SNTG2: variants seen among roughly 807,000 people sequenced by gnomAD.
The protein encoded by SNTG2 is syntrophin gamma 2, also known as gamma-2-syntrophin.
Under a neutral mutation model 70.9 loss-of-function variants are expected in SNTG2, and 74 were observed. That is an observed-to-expected ratio of 1.04 (90% CI 0.86 to 1.27). The LOEUF (loss-of-function observed/expected upper bound fraction) is 1.27. Among genes scored for constraint, SNTG2 ranks in the 50% most tolerant of loss-of-function variants. The pLI is 0.00. For missense variants in SNTG2, 717 were observed against 690.7 expected (o/e 1.04, Z -0.43); for synonymous variants, 278 against 273.8 (o/e 1.02, Z -0.15).
chr2:1,007,183 TC>T (rs1659598188), intron 1 of SNTG2, among the ~76,000 whole-genome samples: 2 of 151,824 alleles, frequency 1.3e-5, no homozygotes, highest in Admixed American at 1.3e-4. Flanking sequence ...CTGGAATCCA[TC>T]CCCCACAGAT....
At chr2:1,239,127 T>C (rs1484953082) in intron 10 of SNTG2, among the ~76,000 whole-genome samples, 1 of 124,406 alleles carries the variant, frequency 8.0e-6, no homozygotes, top group Non-Finnish European at 1.9e-5. Context: ...TTGACTTATA[T>C]TTGCAGAAAT....
chr2:999,808 C>T (rs941730197), intron 1 of SNTG2, among the ~76,000 whole-genome samples: 2 of 151,952 alleles, frequency 1.3e-5, no homozygotes, highest in Non-Finnish European at 2.9e-5. Context: ...TTCTACTCAA[C>T]AACTGCAGAT....
chr2:1,246,033 T>C (rs1313126349), intron 11 of SNTG2, among the ~76,000 whole-genome samples: 1 of 152,210 alleles, frequency 6.6e-6, no homozygotes, highest in Non-Finnish European at 1.5e-5. Flanking sequence ...ATGTGGTTCC[T>C]GAGCCTCCAT....
intron 8 of SNTG2, among the ~76,000 whole-genome samples, chr2:1,178,759 A>C (rs1671653772): frequency 6.6e-6 from 1 of 152,044 alleles, no homozygotes; most frequent in African/African-American, 2.4e-5. Context: ...TTGGTCTAAA[A>C]TTCTCTTTTT....
Position 1,137,934 on chromosome 2 carries a change from A to G in SNTG2, c.411+125A>G, listed in dbSNP as rs1668503798. The G allele has an allele frequency of 5.2e-6, 5 of 966,112 alleles. No homozygotes were observed. In the South Asian group the frequency reaches 7.4e-5, roughly 14 times the overall value. 59.8% of individuals were successfully genotyped at this position (966,112 alleles called of 1,614,324 possible). The stretch of plus-strand genomic sequence containing the variant: ...GTGTTAGAATTGGAAAGAAAGCTCA[A>G]AGGTTTAGTAAATCATGTTACAAAA... On this transcript the variant is annotated intron_variant, in intron 6 of 16. Transcript: ENST00000308624.
chr2:1,244,800 G>C (rs535458127), intron 11 of SNTG2, among the ~76,000 whole-genome samples: 8 of 150,878 alleles, frequency 5.3e-5, no homozygotes, highest in Middle Eastern at 3.4e-3. Flanking sequence ...ATCAGTAAAA[G>C]AAAGGTCTTC....
At chr2:1,189,344 G>T in intron 8 of SNTG2, among the ~76,000 whole-genome samples, 4 of 151,886 alleles carry the variant, frequency 2.6e-5, no homozygotes, top group Middle Eastern at 6.8e-3. Context: ...AATATATATC[G>T]TATGAGGATA....
At chr2:960,293 G>A (rs1194615437) in intron 1 of SNTG2, among the ~76,000 whole-genome samples, 1 of 152,240 alleles carries the variant, frequency 6.6e-6, no homozygotes, top group Non-Finnish European at 1.5e-5. Context: ...GGATCCCACA[G>A]TGGGGAATGC....
intron 1 of SNTG2, among the ~76,000 whole-genome samples, chr2:951,987 C>T (rs1659986133): frequency 6.6e-6 from 1 of 152,190 alleles, no homozygotes; most frequent in African/African-American, 2.4e-5. Flanking sequence ...CTACAAATTC[C>T]TATCGTCATA....
At chr2:1,198,001 G>A (rs1673035786) in intron 8 of SNTG2, among the ~76,000 whole-genome samples, 1 of 152,072 alleles carries the variant, frequency 6.6e-6, no homozygotes, top group Non-Finnish European at 1.5e-5. Flanking sequence ...TAGACTAAAT[G>A]GATCTAACAG....
At chr2:995,095 A>G (rs1003850142) in intron 1 of SNTG2, among the ~76,000 whole-genome samples, 1 of 151,940 alleles carries the variant, frequency 6.6e-6, no homozygotes, top group Admixed American at 6.6e-5. Context: ...CACACCCAGT[A>G]AAATGTTAAA....
chr2:1,099,681 T>TGGTCAGGTCATCTGAAGGTGGG (rs1385707561), intron 4 of SNTG2, among the ~76,000 whole-genome samples: 79 of 65,324 alleles, frequency 1.2e-3, no homozygotes, highest in African/African-American at 4.0e-3. Flanking sequence ...GTGAGGGCAG[T>TGGTCAGGTCATCTGAAGGTGGG]TGTGGTGAGG....
chr2:990,814 G>T (rs1661465234), intron 1 of SNTG2, among the ~76,000 whole-genome samples: 1 of 151,306 alleles, frequency 6.6e-6, no homozygotes, highest in Non-Finnish European at 1.5e-5. Flanking sequence ...TCCTAATTCT[G>T]GAAATGCCGT....
chr2:1,176,154 T>C (rs1189412911), intron 8 of SNTG2, among the ~76,000 whole-genome samples: 2 of 152,214 alleles, frequency 1.3e-5, no homozygotes, highest in Non-Finnish European at 2.9e-5. Flanking sequence ...TTCTTTGTAG[T>C]TATTCATATG....
chr2:1,242,507 G>A (rs2148118522), intron 11 of SNTG2, among the ~76,000 whole-genome samples: 1 of 152,256 alleles, frequency 6.6e-6, no homozygotes, highest in Middle Eastern at 3.4e-3. Flanking sequence ...ACAAACCAGA[G>A]CACTTTTGTC....
At chr2:1,037,381 A>T (rs1661190355) in intron 1 of SNTG2, among the ~76,000 whole-genome samples, 1 of 152,238 alleles carries the variant, frequency 6.6e-6, no homozygotes, top group Non-Finnish European at 1.5e-5. Context: ...TCTGAGCCAG[A>T]CATGGATTTA....
chr2:953,030 T>C (rs2147937413), intron 1 of SNTG2, among the ~76,000 whole-genome samples: 1 of 152,368 alleles, frequency 6.6e-6, no homozygotes, highest in East Asian at 1.9e-4. Flanking sequence ...CTTATATTTC[T>C]AGTTATATTT....
intron 12 of SNTG2, among the ~76,000 whole-genome samples, chr2:1,249,172 G>A (rs1462961347): frequency 6.6e-6 from 1 of 152,180 alleles, no homozygotes; most frequent in Non-Finnish European, 1.5e-5. Context: ...TCATTTTAGT[G>A]ATGAGTGGCA....
chr2:968,840 G>A (rs866724629), intron 1 of SNTG2, among the ~76,000 whole-genome samples: 1 of 152,038 alleles, frequency 6.6e-6, no homozygotes, highest in Admixed American at 6.6e-5. Flanking sequence ...CTATTGATAA[G>A]TTTATTTTGC....
Sources: allele counts gnomAD v4.1 joint callset (sites outside exome capture counted in the v4.1 genomes callset), GRCh38; gene constraint gnomAD v4.1.1; transcripts MANE v1.5; gene names NCBI Gene and HGNC (gene_info 2026-07-23, HGNC 2026-07-21).